BLTP2: variants seen among roughly 807,000 people sequenced by gnomAD.
BLTP2 encodes the protein bridge-like lipid transfer protein family member 2.
At chr17:28,643,811 G>A in the BLTP2 span, 7 of 897,910 alleles carry the variant, frequency 7.8e-6, no homozygotes, top group East Asian at 2.5e-5. Context: ...TAAAATCTTC[G>A]ATTTCCTGTT....
the BLTP2 span, chr17:28,644,927 C>G: frequency 2.8e-6 from 4 of 1,435,840 alleles, no homozygotes; most frequent in Non-Finnish European, 3.8e-6. Flanking sequence ...GTCTTTCTTC[C>G]TCCTCTCCGC....
At chr17:28,616,481 C>T in the BLTP2 span, 1 of 1,614,212 alleles carries the variant, frequency 6.2e-7, no homozygotes, top group South Asian at 1.1e-5. The surrounding 1 kb of genome is among the most constrained non-coding windows in gnomAD (Gnocchi z 4.8). Context: ...CTGTTGCAAT[C>T]AGCTGCCGAG....
chr17:28,640,191 G>C, the BLTP2 span, among the ~76,000 whole-genome samples: 1 of 152,056 alleles, frequency 6.6e-6, no homozygotes, highest in East Asian at 1.9e-4. Flanking sequence ...TCAGGAGATC[G>C]AGACCATCCT....
At chr17:28,637,989 G>C in the BLTP2 span, 3 of 1,614,212 alleles carry the variant, frequency 1.9e-6, no homozygotes, top group East Asian at 2.2e-5. Flanking sequence ...GACAGACATT[G>C]GGCACAGGTA....
chr17:28,615,261 A>C, the BLTP2 span: 1 of 1,580,240 alleles, frequency 6.3e-7, no homozygotes, highest in Non-Finnish European at 8.6e-7. Context: ...CAGATTGGAG[A>C]GGAGTAAAAG....
chr17:28,624,884 A>G, the BLTP2 span, among the ~76,000 whole-genome samples: 4 of 150,836 alleles, frequency 2.7e-5, no homozygotes, highest in Admixed American at 2.6e-4. Context: ...TCTCTTTCCT[A>G]CTCTTTCTCT....
At chr17:28,637,701 T>C in the BLTP2 span, 1 of 725,930 alleles carries the variant, frequency 1.4e-6, no homozygotes, top group Non-Finnish European at 2.3e-6. Context: ...AGACAGAGTC[T>C]CGCTCGTTTG....
At chr17:28,624,736 CT>C in the BLTP2 span, among the ~76,000 whole-genome samples, 1 of 152,110 alleles carries the variant, frequency 6.6e-6, no homozygotes, top group African/African-American at 2.4e-5. Context: ...TTTGACCACT[CT>C]TTTCCACTTG....
chr17:28,641,969 G>A, the BLTP2 span: 1 of 1,614,224 alleles, frequency 6.2e-7, no homozygotes, highest in Non-Finnish European at 8.5e-7. Flanking sequence ...ATGCAGTTCA[G>A]CATGGAGTGT....
the BLTP2 span, chr17:28,639,129 G>A: frequency 1.6e-6 from 1 of 639,700 alleles, no homozygotes; most frequent in East Asian, 2.7e-5. Flanking sequence ...AAACAAAGAG[G>A]ACAGCATTCT....
the BLTP2 span, chr17:28,637,043 C>T: frequency 1.2e-6 from 2 of 1,614,148 alleles, no homozygotes. Flanking sequence ...TGTCAGGGGC[C>T]TTGCAACAGG....
chr17:28,632,512 T>C, the BLTP2 span, among the ~76,000 whole-genome samples: 691 of 152,238 alleles, frequency 4.5e-3, 3 homozygotes, highest in Middle Eastern at 0.01. Flanking sequence ...GGGAGGTCAC[T>C]AGATCATGAC....
At chr17:28,617,360 T>A in the BLTP2 span, 9 of 1,441,714 alleles carry the variant, frequency 6.2e-6, no homozygotes, top group Non-Finnish European at 7.8e-6. Flanking sequence ...AATAAACCTT[T>A]CTCAGAAGTC....
chr17:28,638,915 G>A, the BLTP2 span: 10 of 435,970 alleles, frequency 2.3e-5, no homozygotes, highest in Middle Eastern at 1.3e-3. Flanking sequence ...AATACTATAC[G>A]CTTGAACCTA....
chr17:28,633,904 C>G, the BLTP2 span: 1 of 1,614,144 alleles, frequency 6.2e-7, no homozygotes, highest in East Asian at 2.2e-5. Context: ...CAGTGAAAGT[C>G]ATGGTAGAAT....
chr17:28,627,301 C>T, the BLTP2 span, among the ~76,000 whole-genome samples: 1 of 152,150 alleles, frequency 6.6e-6, no homozygotes, highest in Non-Finnish European at 1.5e-5. Context: ...TACCCCATTT[C>T]TACATGTTCA....
chr17:28,640,621 C>T, the BLTP2 span: 2 of 1,614,110 alleles, frequency 1.2e-6, no homozygotes, highest in Admixed American at 1.7e-5. Flanking sequence ...TTGACCTGGT[C>T]TGGCAGCTGC....
At chr17:28,629,461 A>G in the BLTP2 span, among the ~76,000 whole-genome samples, 1 of 151,578 alleles carries the variant, frequency 6.6e-6, no homozygotes, top group Non-Finnish European at 1.5e-5. Flanking sequence ...TGGCTAATTT[A>G]TTTATTTTTT....
chr17:28,630,145 T>C, the BLTP2 span, among the ~76,000 whole-genome samples: 3 of 152,144 alleles, frequency 2.0e-5, no homozygotes, highest in African/African-American at 7.2e-5. Context: ...ATTACAGGCA[T>C]GAGCCATCAC....
Sources: gnomAD v4.1 joint callset for allele counts (sites outside exome capture counted in the v4.1 genomes callset) on GRCh38, gnomAD v4.1.1 for gene constraint, Gnocchi (gnomAD v3.1) non-coding constraint, MANE v1.5 for transcripts, NCBI Gene and HGNC (gene_info 2026-07-23, HGNC 2026-07-21) for gene names.